CFAP92: variants seen among roughly 807,000 people sequenced by gnomAD.
CFAP92 encodes uncharacterized protein CFAP92.
In CFAP92, 86 loss-of-function variants were observed where a neutral mutation model predicts 106.3. The ratio of observed to expected loss-of-function variants is 0.81; its 90% confidence interval spans 0.68 to 0.97. The LOEUF (loss-of-function observed/expected upper bound fraction) is 0.97. Among genes scored for constraint, CFAP92 ranks in the 50% least tolerant of loss-of-function variants. The probability of loss-of-function intolerance (pLI) is 0.00; values close to 1 mark genes in which losing one functional copy is unlikely to be tolerated. For synonymous variants in CFAP92, 477 were observed against 506.4 expected (o/e 0.94, Z 0.78); for missense variants, 1,204 against 1,283.8 (o/e 0.94, Z 0.95).
intron 12 of CFAP92, among the ~76,000 whole-genome samples, chr3:128,924,852 T>A (rs1937550229): frequency 6.6e-6 from 1 of 152,246 alleles, no homozygotes; most frequent in African/African-American, 2.4e-5. Context: ...ATAGATCATG[T>A]GCTGATACAC....
chr3:128,959,673 C>T (rs1418065738), intron 9 of CFAP92, among the ~76,000 whole-genome samples: 1 of 152,238 alleles, frequency 6.6e-6, no homozygotes, highest in Non-Finnish European at 1.5e-5. Context: ...AGCCTGGGGG[C>T]TCCTGAAGGG....
At chr3:128,929,142 AAAG>A (rs1412928800) in intron 12 of CFAP92, among the ~76,000 whole-genome samples, 1 of 152,236 alleles carries the variant, frequency 6.6e-6, no homozygotes, top group Non-Finnish European at 1.5e-5. Flanking sequence ...ATATTACATC[AAAG>A]AAGCGTTATA....
intron 8 of CFAP92, 82 bp downstream of exon 8, chr3:128,971,205 T>C (rs762899343): frequency 1.4e-5 from 23 of 1,603,654 alleles, no homozygotes; most frequent in South Asian, 6.7e-5. Flanking sequence ...CGCAGCAGGG[T>C]TGTCATTAGG....
chr3:129,001,549 A>T, intron 1 of CFAP92: 7 of 1,341,406 alleles, frequency 5.2e-6, no homozygotes, highest in Non-Finnish European at 6.7e-6. Flanking sequence ...TCCTTTCGAG[A>T]AACTCTGGGG....
intron 12 of CFAP92, among the ~76,000 whole-genome samples, chr3:128,922,418 G>C (rs1324067220): frequency 1.3e-5 from 2 of 152,176 alleles, no homozygotes; most frequent in Admixed American, 6.5e-5. Context: ...GAATTGCTTA[G>C]TTATTGCTGT....
At position 128,978,031 on chromosome 3, in the gene CFAP92, C is replaced by A. The variant is rs1943270084; in HGVS notation, c.808+14G>T. 6.2e-7 allele frequency: 1 copy of A among 1,613,672 alleles called. No homozygotes were observed. The stretch of plus-strand genomic sequence containing the variant: ...CTTGCACTCAGCTTGTCCACAAAGG[C>A]CTTCTCCGCTCACCTTGCAAAGACT... On this transcript the variant is annotated intron_variant, in intron 5 of 15. Coordinates refer to ENST00000645291, the MANE Select transcript of CFAP92 (RefSeq NM_001394090.1).
chr3:128,994,668 G>C (rs769988167), upstream of CFAP92, among the ~76,000 whole-genome samples: 2 of 152,194 alleles, frequency 1.3e-5, no homozygotes, highest in Non-Finnish European at 2.9e-5. Flanking sequence ...CAGCAAGTAG[G>C]GCGCAGCACT....
At chr3:128,966,060 A>G (rs1272824731) in intron 8 of CFAP92, among the ~76,000 whole-genome samples, 4 of 152,204 alleles carry the variant, frequency 2.6e-5, no homozygotes, top group African/African-American at 9.6e-5. Context: ...GGCCTCCACA[A>G]TGGGAGGTTT....
chr3:128,990,611 A>G (rs1576647482), intron 2 of CFAP92, among the ~76,000 whole-genome samples: 1 of 152,248 alleles, frequency 6.6e-6, no homozygotes, highest in East Asian at 1.9e-4. Flanking sequence ...TAAACAATTT[A>G]TAGGTCGGGC....
the CFAP92 span, among the ~76,000 whole-genome samples, chr3:129,013,293 G>C: frequency 1.3e-5 from 2 of 152,088 alleles, no homozygotes; most frequent in Non-Finnish European, 2.9e-5. Context: ...GGATGGAGAG[G>C]GTTCTATATT....
the CFAP92 span, among the ~76,000 whole-genome samples, chr3:129,013,464 T>TTCTTTCTATCCTTTATCTTG: frequency 6.6e-6 from 1 of 152,304 alleles, no homozygotes; most frequent in Admixed American, 6.5e-5. Context: ...TGGAATCTCT[T>TTCTTTCTATCCTTTATCTTG]TCTTTCTATC....
intron 9 of CFAP92, 85 bp downstream of exon 9, chr3:128,965,426 A>C: frequency 5.0e-6 from 2 of 398,396 alleles, no homozygotes; most frequent in Non-Finnish European, 8.9e-6. Flanking sequence ...ATGTGGGGCC[A>C]TCAGGAGGAC....
chr3:128,971,289 G>A lies in CFAP92; in HGVS notation c.1166C>T (p.Ala389Val). 36 of 1,613,720 alleles carry A rather than the reference G, an allele frequency of 2.2e-5. No individual in the cohort carries two copies. The highest frequency in any genetic ancestry group is 3.1e-5 in the Non-Finnish European group (36 of 1,179,822). Residue 389 changes from alanine (A) to valine (V), a missense_variant and splice_region_variant, in exon 8 of 16, where the codon GCC becomes GTC. Coordinates refer to ENST00000645291, the MANE Select transcript of CFAP92 (RefSeq NM_001394090.1). ...SIQLAVMPLL[A>V]GWQTVVSRGS... ...GGAACAGGGCAAGCAGTGGGTACCGGCAAGGAGCGGCATGACGGCCAGCTG... is the reference window on the plus strand; with the variant it reads ...GGAACAGGGCAAGCAGTGGGTACCGACAAGGAGCGGCATGACGGCCAGCTG...
chr3:128,956,997 AG>A (rs1276225918), intron 9 of CFAP92, among the ~76,000 whole-genome samples: 6 of 147,392 alleles, frequency 4.1e-5, no homozygotes, highest in African/African-American at 1.5e-4. Context: ...AAAAAAAAAA[AG>A]AAATCAACCC....
At chr3:128,938,603 C>T (rs1244406949) in intron 10 of CFAP92, among the ~76,000 whole-genome samples, 1 of 151,828 alleles carries the variant, frequency 6.6e-6, no homozygotes, top group Non-Finnish European at 1.5e-5. Context: ...ATGCCATTCT[C>T]CTGCCTCAGC....
At chr3:128,958,435 T>C (rs995727115) in intron 9 of CFAP92, among the ~76,000 whole-genome samples, 52 of 152,218 alleles carry the variant, frequency 3.4e-4, no homozygotes, top group African/African-American at 1.2e-3. Context: ...CTCATGTCAA[T>C]GTGCTGATTT....
At chr3:128,970,279 C>G (rs888666071) in intron 8 of CFAP92, 1 of 152,100 alleles carries the variant, frequency 6.6e-6, no homozygotes, top group Non-Finnish European at 1.5e-5. Flanking sequence ...GTTAATAGCA[C>G]TTTCTCAAAC....
chr3:128,945,059 C>T lies in CFAP92; in HGVS notation c.2258+12G>A, dbSNP rs1432464890. The T allele has an allele frequency of 6.7e-7, 1 of 1,496,770 alleles. No homozygotes were observed. The highest frequency in any genetic ancestry group is 2.2e-5 in the Admixed American group (1 of 45,712). The allele number at this position is 1,496,770 out of a possible 1,614,324, so 92.7% of individuals were successfully genotyped here. A position where few individuals can be genotyped will look rare whatever the true frequency, so the allele number is the denominator to read the frequency against. On this transcript the variant is annotated intron_variant, in intron 10 of 15. Transcript: ENST00000645291. ...CATCATTTTTATGTAAAATGTAAAA[C>T]AAACCACCTACCAGCTTTGGTGGTT... is the stretch of plus-strand genomic sequence containing the variant.
At chr3:129,002,419 G>GGAA (rs1293197692) in intron 1 of CFAP92, 54 of 1,425,030 alleles carry the variant, frequency 3.8e-5, no homozygotes, top group Non-Finnish European at 4.7e-5. Flanking sequence ...CAGAGTCAGA[G>GGAA]GAAGGGGAGA....
Sources: gnomAD v4.1 joint callset for allele counts (sites outside exome capture counted in the v4.1 genomes callset) on GRCh38, gnomAD v4.1.1 for gene constraint, MANE v1.5 for transcripts, NCBI Gene and HGNC (gene_info 2026-07-23, HGNC 2026-07-21) for gene names.